HEPH: variants seen among roughly 807,000 people sequenced by gnomAD.
The protein encoded by HEPH is hephaestin.
Under a neutral mutation model 80.8 loss-of-function variants are expected in HEPH, and 69 were observed. That is an observed-to-expected ratio of 0.85 (90% CI 0.70 to 1.04). The LOEUF is 1.04. Among genes scored for constraint, HEPH ranks in the 50% least tolerant of loss-of-function variants. HEPH has a pLI of 0.00. For missense variants in HEPH, 1,115 were observed against 891.3 expected (o/e 1.25, Z -3.20); for synonymous variants, 431 against 322.8 (o/e 1.34, Z -3.60).
At chrX:66,198,008 T>C in intron 10 of HEPH, 114 bp downstream of exon 10, 1 of 596,663 alleles carries the variant, frequency 1.7e-6, no homozygotes, top group Non-Finnish European at 2.6e-6. Flanking sequence ...AGAAGAAAAA[T>C]AATCAAGCTG....
Position 66,214,164 on chromosome X carries a change from A to C in HEPH, c.2563+5918A>C, listed in dbSNP as rs750523613. Among the ~76,000 whole-genome samples, 3 of 111,796 alleles carry C rather than the reference A, an allele frequency of 2.7e-5. No individual in the cohort carries two copies. In the East Asian group the frequency reaches 8.4e-4, roughly 31 times the overall value. On this transcript the variant is annotated intron_variant, in intron 15 of 20. Coordinates refer to ENST00000343002, the MANE Select transcript of HEPH (RefSeq NM_001367233.3). ...GTCATCAGCATGTAGATGATATTTA[A>C]AGTGATAATATGGATGAGATCACTC...
At position 66,267,362 on chromosome X, in the gene HEPH, C is replaced by T. The variant is rs1421573963; in HGVS notation, c.*690C>T. 8.9e-6 allele frequency: 1 copy of T among 111,956 alleles called. No homozygotes were observed. The highest frequency in any genetic ancestry group is 3.2e-5 in the African/African-American group (1 of 30,802). 9.2% of individuals were successfully genotyped at this position (111,956 alleles called of 1,213,427 possible). A position where few individuals can be genotyped will look rare whatever the true frequency, so the allele number is the denominator to read the frequency against. ...CATGTTTTAGACAGCAAACCCTATC[C>T]ATTAAAGTACTTGTTAGAACACTGA... is the stretch of plus-strand genomic sequence containing the variant. On this transcript the variant is annotated 3_prime_UTR_variant, in exon 21 of 21. Transcript: ENST00000343002.
In HEPH at chrX:66,220,905, A is replaced by T. The variant is rs750654380; in HGVS notation, c.2563+12659A>T. Among the ~76,000 whole-genome samples, 11 of 111,171 alleles carry T rather than the reference A, an allele frequency of 9.9e-5. No individual in the cohort carries two copies. In the South Asian group the frequency reaches 4.3e-3, roughly 43 times the overall value. On this transcript the variant is annotated intron_variant, in intron 15 of 20. Coordinates refer to ENST00000343002, the MANE Select transcript of HEPH (RefSeq NM_001367233.3). Reference sequence around the variant, plus strand: ...TTGCATAGGATAGCATGATACAAACAAGTTTTTTTTAGATTCCCGGTACAC... The same window carrying T: ...TTGCATAGGATAGCATGATACAAACTAGTTTTTTTTAGATTCCCGGTACAC...
At chrX:66,210,753 T>A (rs1435968148) in intron 15 of HEPH, among the ~76,000 whole-genome samples, 1 of 111,169 alleles carries the variant, frequency 9.0e-6, no homozygotes, top group Non-Finnish European at 1.9e-5. Flanking sequence ...TAAGGCAGAA[T>A]AAATAGGATA....
intron 11 of HEPH, 71 bp downstream of exon 11, chrX:66,199,099 G>A: frequency 9.7e-7 from 1 of 1,026,602 alleles, no homozygotes; most frequent in Non-Finnish European, 1.4e-6. Context: ...CCGTAATCAT[G>A]ACCAATCCTG....
intron 4 of HEPH, among the ~76,000 whole-genome samples, chrX:66,177,606 C>A (rs964234904): frequency 2.7e-5 from 3 of 111,235 alleles, no homozygotes; most frequent in African/African-American, 9.8e-5. Flanking sequence ...TGGATTTTCC[C>A]TCTTCTTTTC....
At chrX:66,228,265 T>C (rs2089974856) in intron 15 of HEPH, among the ~76,000 whole-genome samples, 2 of 112,546 alleles carry the variant, frequency 1.8e-5, no homozygotes, top group South Asian at 7.3e-4. Flanking sequence ...ACGCCCATGA[T>C]TCAATGATCT....
chrX:66,229,173 T>TATAGATATAGACATAGAC (rs1297581752), intron 15 of HEPH, among the ~76,000 whole-genome samples: 1 of 112,139 alleles, frequency 8.9e-6, no homozygotes, highest in Non-Finnish European at 1.9e-5. Flanking sequence ...GTGAGATAGA[T>TATAGATATAGACATAGAC]ATAGATATAG....
intron 18 of HEPH, among the ~76,000 whole-genome samples, chrX:66,259,858 G>A (rs190872640): frequency 4.6e-5 from 5 of 109,533 alleles, no homozygotes; most frequent in African/African-American, 1.3e-4. Context: ...ACAAGCGCCT[G>A]CTACCATGCC....
intron 13 of HEPH, 49 bp from the exon 14 acceptor site, chrX:66,207,146 A>G (rs1569335168): frequency 2.6e-6 from 3 of 1,168,527 alleles, no homozygotes; most frequent in East Asian, 3.1e-5. Flanking sequence ...TCAAATGAAA[A>G]TGAGGGGTTG....
At chrX:66,255,804 T>C (rs1227164329) in intron 16 of HEPH, among the ~76,000 whole-genome samples, 1 of 111,269 alleles carries the variant, frequency 9.0e-6, no homozygotes, top group Non-Finnish European at 1.9e-5. Flanking sequence ...GGAGAGGGCA[T>C]TGCAGGCAGA....
intron 19 of HEPH, among the ~76,000 whole-genome samples, chrX:66,263,177 A>G (rs2091422566): frequency 2.7e-5 from 3 of 112,111 alleles, no homozygotes; most frequent in South Asian, 3.7e-4. Flanking sequence ...AGGAGGAACA[A>G]TGATCTCAAA....
intron 4 of HEPH, among the ~76,000 whole-genome samples, chrX:66,184,131 C>T (rs1365540556): frequency 2.9e-5 from 1 of 34,714 alleles, no homozygotes; most frequent in Non-Finnish European, 4.1e-5. Context: ...ACTATGTGGT[C>T]AATTTTGGAA....
At chrX:66,223,311 G>A (rs755837818) in intron 15 of HEPH, among the ~76,000 whole-genome samples, 4 of 111,497 alleles carry the variant, frequency 3.6e-5, no homozygotes, top group African/African-American at 9.8e-5. Context: ...AGTCTTTGGT[G>A]CCTTCTTACT....
chrX:66,224,865 T>A (rs1047539575), intron 15 of HEPH, among the ~76,000 whole-genome samples: 2 of 110,339 alleles, frequency 1.8e-5, no homozygotes, highest in African/African-American at 6.6e-5. Context: ...GTCTCTGATT[T>A]TCTGTCTCTT....
intron 15 of HEPH, among the ~76,000 whole-genome samples, chrX:66,248,261 C>A (rs2090885463): frequency 8.9e-6 from 1 of 111,868 alleles, no homozygotes; most frequent in Non-Finnish European, 1.9e-5. Context: ...TAAATGAAAA[C>A]TTCCAGAAAT....
intron 15 of HEPH, among the ~76,000 whole-genome samples, chrX:66,226,453 C>G (rs1372405576): frequency 9.0e-6 from 1 of 111,656 alleles, no homozygotes; most frequent in African/African-American, 3.3e-5. Flanking sequence ...AAGATCAGAG[C>G]AGAACTAAAT....
intron 4 of HEPH, among the ~76,000 whole-genome samples, chrX:66,180,038 T>G (rs1418789913): frequency 8.9e-6 from 1 of 111,827 alleles, no homozygotes; most frequent in African/African-American, 3.2e-5. Flanking sequence ...TTCTGCATTT[T>G]TGTATTTTTT....
At chrX:66,189,983 T>C (rs991986804) in intron 6 of HEPH, 45 bp downstream of exon 6, 23 of 1,128,133 alleles carry the variant, frequency 2.0e-5, no homozygotes, top group Non-Finnish European at 2.6e-5. Context: ...GAGAGAGGTA[T>C]GATAATGGTC....
Sources: allele counts gnomAD v4.1 joint callset (sites outside exome capture counted in the v4.1 genomes callset), GRCh38; gene constraint gnomAD v4.1.1; transcripts MANE v1.5; gene names NCBI Gene and HGNC (gene_info 2026-07-23, HGNC 2026-07-21).